The following FIP1L1 variants were observed in gnomAD, a reference collection of about 807,000 sequenced individuals.
FIP1L1 encodes the protein pre-mRNA 3'-end-processing factor FIP1.
A neutral mutation model predicts 84.6 loss-of-function variants in FIP1L1; 21 were observed. The ratio of observed to expected loss-of-function variants is 0.25; its 90% CI spans 0.18 to 0.36. FIP1L1 has a LOEUF of 0.36. Among genes scored for constraint, FIP1L1 ranks in the 10% least tolerant of loss-of-function variants. FIP1L1 has a pLI of 1.00. For missense variants in FIP1L1, 526 were observed against 751.1 expected (o/e 0.70, Z 3.50); for synonymous variants, 263 against 242.3 (o/e 1.09, Z -0.80).
At chr4:53,404,709 T>A (rs1457369107) in intron 10 of FIP1L1, among the ~76,000 whole-genome samples, 2 of 152,318 alleles carry the variant, frequency 1.3e-5, no homozygotes, top group African/African-American at 4.8e-5. Flanking sequence ...CCATTCTAAC[T>A]GGTGTGAGAT....
intron 11 of FIP1L1, among the ~76,000 whole-genome samples, chr4:53,419,087 A>C (rs1761057440): frequency 6.6e-6 from 1 of 152,144 alleles, no homozygotes; most frequent in African/African-American, 2.4e-5. Context: ...TCATTGATAC[A>C]TTTAAAAGCA....
At chr4:53,405,025 T>G (rs1191923375) in intron 10 of FIP1L1, among the ~76,000 whole-genome samples, 1 of 152,220 alleles carries the variant, frequency 6.6e-6, no homozygotes, top group East Asian at 1.9e-4. Flanking sequence ...AGATCCCATT[T>G]GTCAGTTTTG....
chr4:53,440,433 T>C, intron 13 of FIP1L1: 1 of 551,640 alleles, frequency 1.8e-6, no homozygotes, highest in Non-Finnish European at 3.3e-6. Context: ...GTTAGTCCTC[T>C]ACGAGAAAAC....
Position 53,453,088 on chromosome 4 carries a change from G to A in FIP1L1, c.1454G>A (p.Arg485Lys). The change falls in exon 16 of 18, where the codon AGA becomes AAA. Residue 485 changes from arginine to lysine, a missense_variant. This residue lies in a region of FIP1L1 where 89 missense variants were observed against 169.0 expected (regional missense o/e 0.53). Transcript: ENST00000337488. Reference protein sequence around the residue: ...RDRERERTRERERERDHSPTP... With the variant: ...RDRERERTREKERERDHSPTP... ...AGAGAAAGAGAACGCACCAGAGAGAGAGAGAGGGAGCGTGATCACAGTCCT... is the reference window on the plus strand; with the variant it reads ...AGAGAAAGAGAACGCACCAGAGAGAAAGAGAGGGAGCGTGATCACAGTCCT... The A allele has an allele frequency of 6.2e-7, 1 of 1,613,934 alleles. No homozygotes were observed. The highest frequency in any genetic ancestry group is 8.5e-7 in the Non-Finnish European group (1 of 1,179,868).
intron 3 of FIP1L1, among the ~76,000 whole-genome samples, chr4:53,379,862 G>A (rs1051017609): frequency 6.6e-6 from 1 of 152,200 alleles, no homozygotes; most frequent in African/African-American, 2.4e-5. Context: ...ACATGGAGAT[G>A]TCGGCTTTAC....
At chr4:53,390,088 A>C (rs28459811) in intron 6 of FIP1L1, among the ~76,000 whole-genome samples, 2 of 151,846 alleles carry the variant, frequency 1.3e-5, no homozygotes, top group African/African-American at 4.8e-5. Flanking sequence ...GCGGGCGTGC[A>C]CCACCATGCT....
At position 53,377,826 on chromosome 4, in the gene FIP1L1, G is replaced by A. The variant is rs374139129; in HGVS notation, c.-13G>A. The A allele has an allele frequency of 1.7e-3, 2,655 of 1,556,050 alleles. 1 individual carries two copies. Among genetic ancestry groups the A allele is most frequent in the Non-Finnish European group, 2.1e-3 (2,472 of 1,149,978 alleles). The stretch of plus-strand genomic sequence containing the variant: ...CTGTTGATCGCCGCGTTTAAGTTGC[G>A]CTCGGGGCGGCCATGTCGGCCGGCG... On this transcript the variant is annotated 5_prime_UTR_variant, in exon 1 of 18. Coordinates refer to ENST00000337488, the MANE Select transcript of FIP1L1 (RefSeq NM_030917.4).
chr4:53,404,035 G>C (rs1484857474), intron 10 of FIP1L1, among the ~76,000 whole-genome samples: 2 of 149,496 alleles, frequency 1.3e-5, no homozygotes, highest in Non-Finnish European at 3.0e-5. Flanking sequence ...TATACTTTAA[G>C]TTTTAGGGTA....
At chr4:53,406,051 T>G (rs909175737) in intron 10 of FIP1L1, among the ~76,000 whole-genome samples, 1 of 151,968 alleles carries the variant, frequency 6.6e-6, no homozygotes, top group Non-Finnish European at 1.5e-5. Context: ...CTATGTTGAA[T>G]AGGAGTGGTG....
At chr4:53,422,946 G>C (rs781167198) in intron 11 of FIP1L1, among the ~76,000 whole-genome samples, 5 of 152,032 alleles carry the variant, frequency 3.3e-5, no homozygotes, top group African/African-American at 4.8e-5. Flanking sequence ...GAATTCCTGG[G>C]CTTAAGTAAT....
At chr4:53,426,279 T>A (rs1365291992) in intron 12 of FIP1L1, among the ~76,000 whole-genome samples, 1 of 152,214 alleles carries the variant, frequency 6.6e-6, no homozygotes, top group African/African-American at 2.4e-5. Flanking sequence ...TGTTCATACG[T>A]ATGTAATCTT....
intron 1 of FIP1L1, chr4:53,378,831 G>C: frequency 1.9e-6 from 1 of 526,996 alleles, no homozygotes; most frequent in South Asian, 2.6e-5. Flanking sequence ...GCACCATGCA[G>C]GTCCTTGATG....
intron 5 of FIP1L1, among the ~76,000 whole-genome samples, chr4:53,388,366 GTC>G (rs1742271482): frequency 6.7e-6 from 1 of 150,258 alleles, no homozygotes; most frequent in East Asian, 1.9e-4. Flanking sequence ...TTGAGATAGA[GTC>G]TCGCTCTTTT....
At chr4:53,383,955 G>T in intron 5 of FIP1L1, 79 bp downstream of exon 5, 1 of 1,262,250 alleles carries the variant, frequency 7.9e-7, no homozygotes, top group Non-Finnish European at 1.1e-6. Flanking sequence ...ACTCTCAGTG[G>T]TTGAGTCCAT....
At chr4:53,394,437 T>A (rs1746154622) in intron 9 of FIP1L1, among the ~76,000 whole-genome samples, 1 of 152,182 alleles carries the variant, frequency 6.6e-6, no homozygotes, top group Non-Finnish European at 1.5e-5. Flanking sequence ...TCAGTATTTT[T>A]AGGTGTTTTT....
At chr4:53,416,775 C>T (rs1232516529) in intron 11 of FIP1L1, among the ~76,000 whole-genome samples, 1 of 152,050 alleles carries the variant, frequency 6.6e-6, no homozygotes, top group African/African-American at 2.4e-5. Context: ...ACCAGCCTGT[C>T]CAACATGGTG....
Position 53,440,455 on chromosome 4 carries a change from C to CT in FIP1L1, c.1175-2196dup. The CT allele has an allele frequency of 5.1e-6, 3 of 584,268 alleles. No individual in the cohort carries two copies. In the East Asian group the frequency reaches 9.3e-5, roughly 18 times the overall value. The allele number at this position is 584,268 out of a possible 1,614,324, so 36.2% of individuals were successfully genotyped here. On this transcript the variant is annotated intron_variant, in intron 13 of 17. Coordinates refer to ENST00000337488, the MANE Select transcript of FIP1L1 (RefSeq NM_030917.4). ...CTCTACGAGAAAACAGAATGGTTCT[C>CT]TTGAGTGAATAAGCCAGGATAATGA...
At position 53,377,890 on chromosome 4, in the gene FIP1L1, G is replaced by A. The variant is rs752574982; in HGVS notation, c.52G>A (p.Gly18Arg). 2.9e-5 allele frequency: 47 copies of A among 1,601,342 alleles called. No individual in the cohort carries two copies. The highest frequency in any genetic ancestry group is 3.8e-5 in the Non-Finnish European group (45 of 1,174,060). Residue 18 changes from glycine to arginine, a missense_variant, in exon 1 of 18, where the codon GGA becomes AGA. By Grantham distance (125) the Gly-to-Arg change is moderately radical. Coordinates refer to ENST00000337488, the MANE Select transcript of FIP1L1 (RefSeq NM_030917.4). Reference sequence around the variant, plus strand: ...AGTGTCGGAGCTGAGCGGCGGGACCGGAGGGGATGAGGAGGAAGAGTGGCT... The same window carrying A: ...AGTGTCGGAGCTGAGCGGCGGGACCAGAGGGGATGAGGAGGAAGAGTGGCT... The part of the protein sequence containing the change: ...RLVSELSGGT[G>R]GDEEEEWLYG...
chr4:53,414,849 G>A, intron 11 of FIP1L1, 127 bp downstream of exon 11: 1 of 595,676 alleles, frequency 1.7e-6, no homozygotes, highest in Non-Finnish European at 2.9e-6. Flanking sequence ...CTTTTTCAGG[G>A]TACAGTTGTA....
Sources: allele counts gnomAD v4.1 joint callset (sites outside exome capture counted in the v4.1 genomes callset), GRCh38; gene constraint gnomAD v4.1.1; regional missense constraint gnomAD v4.1.1; transcripts MANE v1.5; gene names NCBI Gene and HGNC (gene_info 2026-07-23, HGNC 2026-07-21).